KIAA1755: variants seen among roughly 807,000 people sequenced by gnomAD.
KIAA1755 encodes the protein KIAA1755.
Under a neutral mutation model 91.7 loss-of-function variants are expected in KIAA1755, and 68 were observed. That is an observed-to-expected ratio of 0.74 (90% CI 0.61 to 0.91). The LOEUF is 0.91. Among genes scored for constraint, KIAA1755 ranks in the 40% least tolerant of loss-of-function variants. The pLI is 0.00. For missense variants in KIAA1755, 1,535 were observed against 1,494.4 expected (o/e 1.03, Z -0.45); for synonymous variants, 610 against 604.6 (o/e 1.01, Z -0.13).
intron 1 of KIAA1755, among the ~76,000 whole-genome samples, chr20:38,258,723 C>T (rs1263718245): frequency 5.3e-5 from 8 of 152,102 alleles, no homozygotes; most frequent in African/African-American, 1.2e-4. Flanking sequence ...ATAAGAGGCT[C>T]GCAAGCAAGG....
At position 38,231,092 on chromosome 20, in the gene KIAA1755, G is replaced by A. The variant is rs2123157126; in HGVS notation, c.1871+110C>T. On this transcript the variant is annotated intron_variant, in intron 5 of 13. Transcript: ENST00000279024. ...TGTCTGGGGACTGGCTCTGTGAACAGACGACTGGATGGAAGGATATGGTGC... is the reference window on the plus strand; with the variant it reads ...TGTCTGGGGACTGGCTCTGTGAACAAACGACTGGATGGAAGGATATGGTGC... 2.4e-6 allele frequency: 3 copies of A among 1,225,790 alleles called. No individual in the cohort carries two copies. The East Asian group carries it at 7.6e-5, about 31-fold the overall frequency. 75.9% of individuals were successfully genotyped at this position (1,225,790 alleles called of 1,614,324 possible).
In KIAA1755 at chr20:38,241,046, G is replaced by A. The variant is rs754476109; in HGVS notation, c.1085C>T (p.Thr362Ile). The change falls in exon 3 of 14, where the codon ACC becomes ATC. Residue 362 changes from threonine (T) to isoleucine (I), a missense_variant. Physicochemically the swap from Thr to Ile is moderately conservative, Grantham distance 89 (BLOSUM62 -1). Transcript: ENST00000279024. ...FRRKVNLKAP[T>I]HNSERPPQGS... ...TTGGGGCGGCCTTTCTGAGTTGTGG[G>A]TGGGTGCTTTAAGATTGACCTTTCT... 13 of 1,614,146 alleles carry A rather than the reference G, an allele frequency of 8.1e-6. No homozygotes were observed. The East Asian group carries it at 8.9e-5, about 11-fold the overall frequency.
chr20:38,213,022 C>G lies in KIAA1755; in HGVS notation c.*20G>C, dbSNP rs772527794. On this transcript the variant is annotated 3_prime_UTR_variant, in exon 14 of 14. Transcript: ENST00000279024. ...GGCCCAGTGCTCCTGGAGGCTGGTG[C>G]GACTGAAGGGGCCTCTCAGCTAGAG... is the stretch of plus-strand genomic sequence containing the variant. The G allele has an allele frequency of 1.3e-6, 2 of 1,516,780 alleles. No homozygotes were observed. Among genetic ancestry groups the G allele is most frequent in the Admixed American group, 2.2e-5 (1 of 45,784 alleles). 94.0% of individuals were successfully genotyped at this position (1,516,780 alleles called of 1,614,324 possible).
chr20:38,251,449 C>A (rs1269008186), intron 1 of KIAA1755, among the ~76,000 whole-genome samples: 1 of 151,734 alleles, frequency 6.6e-6, no homozygotes. Flanking sequence ...CCTTGTAGTG[C>A]AGAGGGACAT....
At chr20:38,222,786 G>T (rs1232892195) in intron 9 of KIAA1755, 189 bp from the exon 10 acceptor site, 2 of 652,664 alleles carry the variant, frequency 3.1e-6, no homozygotes, top group South Asian at 1.8e-5. Flanking sequence ...CAACCTCATT[G>T]GTCCACCCTC....
rs143227808 is a variant in KIAA1755, at chr20:38,233,295, G to C, written c.1748-1970C>G. 841 of 152,226 alleles carry C rather than the reference G, an allele frequency of 5.5e-3. 14 individuals carry two copies. Among genetic ancestry groups the C allele is most frequent in the African/African-American group, 0.02 (812 of 41,522 alleles). 9.4% of individuals were successfully genotyped at this position (152,226 alleles called of 1,614,324 possible). ...AAGATTTATTAAATCTGGGTGATAGGTATGTGGGTATTCATGATACTATTC... is the reference window on the plus strand; with the variant it reads ...AAGATTTATTAAATCTGGGTGATAGCTATGTGGGTATTCATGATACTATTC... On this transcript the variant is annotated intron_variant, in intron 4 of 13. Transcript: ENST00000279024.
intron 1 of KIAA1755, among the ~76,000 whole-genome samples, chr20:38,250,851 C>T (rs2076239179): frequency 6.6e-6 from 1 of 151,856 alleles, no homozygotes; most frequent in African/African-American, 2.4e-5. Flanking sequence ...GGCCATGTTA[C>T]CAGGCACATG....
At chr20:38,235,398 C>T (rs570253371) in intron 4 of KIAA1755, among the ~76,000 whole-genome samples, 125 of 152,310 alleles carry the variant, frequency 8.2e-4, no homozygotes, top group Non-Finnish European at 1.4e-3. Flanking sequence ...AAAAGGGACA[C>T]TGCAGATGTG....
chr20:38,213,491 G>A lies in KIAA1755; in HGVS notation c.3154C>T (p.Leu1052=), dbSNP rs2075487612. 1 of 1,608,388 alleles carries A rather than the reference G, an allele frequency of 6.2e-7. No individual in the cohort carries two copies. Among genetic ancestry groups the A allele is most frequent in the Admixed American group, 1.7e-5 (1 of 59,282 alleles). Residue 1052 remains leucine, a synonymous_variant, in exon 14 of 14, where the codon CTG becomes TTG. Coordinates refer to ENST00000279024, the MANE Select transcript of KIAA1755 (RefSeq NM_001029864.2). ...EEIRMLLEKA[L]THSSCPEAPA... is the part of the protein sequence containing the mutation. ...GCCTCTGGGCAAGAGCTGTGGGTCAGTGCCTTCTCCAGGAGCATCCGGATC... is the reference window on the plus strand; with the variant it reads ...GCCTCTGGGCAAGAGCTGTGGGTCAATGCCTTCTCCAGGAGCATCCGGATC...
At chr20:38,244,130 G>A (rs1216268371) in intron 2 of KIAA1755, among the ~76,000 whole-genome samples, 11 of 152,106 alleles carry the variant, frequency 7.2e-5, no homozygotes, top group South Asian at 2.1e-4. Flanking sequence ...AAATAAAGAC[G>A]CGGAAATGTT....
chr20:38,227,402 G>A (rs912443929), intron 6 of KIAA1755, among the ~76,000 whole-genome samples, 162 bp from the exon 7 acceptor site: 1 of 152,350 alleles, frequency 6.6e-6, no homozygotes, highest in African/African-American at 2.4e-5. Context: ...CGTTTGGACC[G>A]TGAATCATTG....
intron 1 of KIAA1755, 152 bp downstream of exon 1, chr20:38,260,346 G>C (rs755244493): frequency 1.3e-6 from 2 of 1,572,832 alleles, no homozygotes; most frequent in East Asian, 2.4e-5. Context: ...CCCCTGCTGG[G>C]GTGGAAGCAG....
chr20:38,211,127 C>T lies in KIAA1755; in HGVS notation c.*1915G>A, dbSNP rs2075446589. 6.6e-6 allele frequency: 1 copy of T among 152,258 alleles called. No individual in the cohort carries two copies. The highest frequency in any genetic ancestry group is 1.5e-5 in the Non-Finnish European group (1 of 68,066). The allele number at this position is 152,258 out of a possible 1,614,324, so 9.4% of individuals were successfully genotyped here. ...AGGAAGCCTTTTGACCGGCTCTGCT[C>T]ATGGCTCTGAGGCAGGCAGGCCCTA... On this transcript the variant is annotated 3_prime_UTR_variant, in exon 14 of 14. Coordinates refer to ENST00000279024, the MANE Select transcript of KIAA1755 (RefSeq NM_001029864.2).
chr20:38,227,339 T>A, intron 6 of KIAA1755, 99 bp from the exon 7 acceptor site: 2 of 831,266 alleles, frequency 2.4e-6, no homozygotes, highest in East Asian at 2.7e-5. Flanking sequence ...TGCAGGCAAA[T>A]GGGTCACAAG....
At chr20:38,223,008 T>C (rs1568738777) in intron 9 of KIAA1755, 1 of 290,388 alleles carries the variant, frequency 3.4e-6, no homozygotes, top group Non-Finnish European at 6.7e-6. Flanking sequence ...TCCTGCTGCA[T>C]CTAGAAGCTC....
chr20:38,237,715 G>T (rs1164771400), intron 4 of KIAA1755, among the ~76,000 whole-genome samples: 6 of 151,934 alleles, frequency 3.9e-5, no homozygotes. Flanking sequence ...TGGGAGGCCT[G>T]AAGATGATGA....
rs529837872 is a variant in KIAA1755 at position 38,234,341 on chromosome 20, C to A, written c.1748-3016G>T. On this transcript the variant is annotated intron_variant, in intron 4 of 13. Transcript: ENST00000279024. The stretch of plus-strand genomic sequence containing the variant: ...CTCTTCCTGGAAGACCTCCTTACTG[C>A]CTTCCCTCTTTAGAAGCTCTTCCCC... 2.0e-5 allele frequency among the ~76,000 whole-genome samples: 3 copies of A among 152,154 alleles called. No individual in the cohort carries two copies. In the South Asian group the frequency reaches 6.2e-4, roughly 32 times the overall value.
At chr20:38,251,973 G>T (rs1296562420) in intron 1 of KIAA1755, among the ~76,000 whole-genome samples, 1 of 152,166 alleles carries the variant, frequency 6.6e-6, no homozygotes, top group African/African-American at 2.4e-5. Context: ...CACTTACCCA[G>T]ATCAAGAGAC....
intron 13 of KIAA1755, among the ~76,000 whole-genome samples, chr20:38,213,955 C>CTTT (rs11482397): frequency 2.1e-5 from 3 of 142,876 alleles, no homozygotes; most frequent in Non-Finnish European, 1.5e-5. Context: ...CATCAGACAC[C>CTTT]TTTTTTTTTT....
Sources: gnomAD v4.1 joint callset for allele counts (sites outside exome capture counted in the v4.1 genomes callset) on GRCh38, gnomAD v4.1.1 for gene constraint, MANE v1.5 for transcripts, NCBI Gene and HGNC (gene_info 2026-07-23, HGNC 2026-07-21) for gene names.